The following PTBP1 variants were observed in gnomAD, a reference collection of about 807,000 sequenced individuals.
PTBP1 encodes polypyrimidine tract-binding protein 1.
PTBP1 carries 8 observed loss-of-function variants against 59.8 expected under a neutral mutation model. The ratio of observed to expected loss-of-function variants is 0.13; its 90% CI spans 0.08 to 0.24. The LOEUF is 0.24. Ranked by LOEUF, PTBP1 falls within the 10% of genes least tolerant of loss-of-function variation. The pLI, the probability that PTBP1 is intolerant of heterozygous loss-of-function variation, is 1.00. For synonymous variants in PTBP1, 490 were observed against 320.7 expected, an observed-to-expected ratio of 1.53 and a Z score of -5.64; for missense variants, 686 against 767.0, an observed-to-expected ratio of 0.89 and a Z score of 1.25.
rs779619131 is a variant in PTBP1, at chr19:804,272, G to T, written c.289-20G>T. On this transcript the variant is annotated intron_variant, in intron 4 of 14. Transcript: ENST00000356948. ...CAGGCGGGGACGAGGAGGGCCCAGC[G>T]CTCACTGCCTCCCCAACAGGCCTTC... 2 of 1,612,922 alleles carry T rather than the reference G, an allele frequency of 1.2e-6. No homozygotes were observed.
At chr19:798,609 G>A (rs1296285744) in intron 1 of PTBP1, 1 of 152,256 alleles carries the variant, frequency 6.6e-6, no homozygotes, top group East Asian at 1.9e-4. Flanking sequence ...CGGGCTCGGG[G>A]GCCGCGCACT....
rs1269078902 is a variant in PTBP1 at position 808,460 on chromosome 19, G to A, written c.1246+8G>A. On this transcript the variant is annotated splice_region_variant and intron_variant, in intron 12 of 14. Transcript: ENST00000356948. The surrounding 1 kb of genome is among the most constrained non-coding windows in gnomAD (Gnocchi z 4.7). ...GCAACCAGGCCCAGCTGGGTAAGAGGCCGGGGCGGCCCCGGGGTGGAGGGG... is the reference window on the plus strand; with the variant it reads ...GCAACCAGGCCCAGCTGGGTAAGAGACCGGGGCGGCCCCGGGGTGGAGGGG... 6.3e-7 allele frequency: 1 copy of A among 1,591,318 alleles called. No homozygotes were observed. Among genetic ancestry groups the A allele is most frequent in the Non-Finnish European group, 8.5e-7 (1 of 1,170,374 alleles).
Position 808,285 on chromosome 19 carries a change from G to A in PTBP1, c.1154-75G>A, listed in dbSNP as rs2034670964. The A allele has an allele frequency of 4.7e-6, 6 of 1,274,442 alleles. No individual in the cohort carries two copies. Among genetic ancestry groups the A allele is most frequent in the South Asian group, 3.9e-5 (3 of 77,896 alleles). The allele number at this position is 1,274,442 out of a possible 1,614,324, so 78.9% of individuals were successfully genotyped here. ...GCTGAGCCGGGCCTTGTGGGGGTGCGCGGGGCCGGGGCTGACGGGGAGATG... is the reference window on the plus strand; with the variant it reads ...GCTGAGCCGGGCCTTGTGGGGGTGCACGGGGCCGGGGCTGACGGGGAGATG... On this transcript the variant is annotated intron_variant, in intron 11 of 14. Transcript: ENST00000356948. The surrounding 1 kb of genome is among the most constrained non-coding windows in gnomAD (Gnocchi z 4.7).
Position 799,496 on chromosome 19 carries a change from C to T in PTBP1, c.39+53C>T. On this transcript the variant is annotated intron_variant, in intron 2 of 14. Coordinates refer to ENST00000356948, the MANE Select transcript of PTBP1 (RefSeq NM_002819.5). The stretch of plus-strand genomic sequence containing the variant: ...TGACGCTCCTCTGACCTTGTGCCGA[C>T]CCCGGGGGCCACCCCCCAGCGCTGT... 5 of 1,581,380 alleles carry T rather than the reference C, an allele frequency of 3.2e-6. No homozygotes were observed. The South Asian group carries it at 4.4e-5, about 14-fold the overall frequency.
rs760743333 is a variant in PTBP1 at position 808,726 on chromosome 19, T to A, written c.1427T>A (p.Phe476Tyr). The A allele has an allele frequency of 6.2e-7, 1 of 1,612,670 alleles. No individual in the cohort carries two copies. The highest frequency in any genetic ancestry group is 8.5e-7 in the Non-Finnish European group (1 of 1,179,740). Residue 476 changes from phenylalanine (F) to tyrosine (Y), a missense_variant, in exon 13 of 15, where the codon TTC becomes TAC. Coordinates refer to ENST00000356948, the MANE Select transcript of PTBP1 (RefSeq NM_002819.5). The surrounding 1 kb of genome is among the most constrained non-coding windows in gnomAD (Gnocchi z 4.7). ...GGCTCCAAGAACTTCCAGAACATAT[T>A]CCCGCCCTCGGCCACGCTGCACCTC... The part of the protein sequence containing the change: ...KPGSKNFQNI[F>Y]PPSATLHLSN...
chr19:806,639 A>C, intron 10 of PTBP1, 83 bp downstream of exon 10: 2 of 1,339,286 alleles, frequency 1.5e-6, no homozygotes, highest in Non-Finnish European at 9.8e-7. Flanking sequence ...GTCCCGGAGC[A>C]GCGCCGCCCC....
intron 9 of PTBP1, chr19:806,053 T>TGCATGGAG (rs2034551912): frequency 3.9e-6 from 1 of 258,316 alleles, no homozygotes; most frequent in Admixed American, 5.5e-5. Context: ...CCGCCTCGTC[T>TGCATGGAG]GCATGGAGGC....
chr19:808,765 G>C lies in PTBP1; in HGVS notation c.1463+3G>C. On this transcript the variant is annotated splice_donor_region_variant and intron_variant, in intron 13 of 14. Coordinates refer to ENST00000356948, the MANE Select transcript of PTBP1 (RefSeq NM_002819.5). This position sits in a 1 kb window ranked among gnomAD's most constrained non-coding sequence, Gnocchi z 4.7. ...ACGCTGCACCTCTCCAACATCCCGT[G>C]AGTGCTGGGCCGGGGGGCTCATGGG... 6.2e-7 allele frequency: 1 copy of C among 1,610,038 alleles called. No individual in the cohort carries two copies. The highest frequency in any genetic ancestry group is 1.7e-5 in the Admixed American group (1 of 59,758).
intron 2 of PTBP1, among the ~76,000 whole-genome samples, chr19:800,338 G>A (rs1213196198): frequency 2.6e-5 from 4 of 152,170 alleles, no homozygotes; most frequent in South Asian, 4.1e-4. Flanking sequence ...TGGGGTGTGC[G>A]AATCTTGCAG....
In PTBP1 at chr19:799,454, C is replaced by T. The variant is rs372949190; in HGVS notation, c.39+11C>T. 5 of 1,613,574 alleles carry T rather than the reference C, an allele frequency of 3.1e-6. No homozygotes were observed. In the Admixed American group the frequency reaches 5.0e-5, roughly 16 times the overall value. On this transcript the variant is annotated intron_variant, in intron 2 of 14. Coordinates refer to ENST00000356948, the MANE Select transcript of PTBP1 (RefSeq NM_002819.5). ...GCCGTTGGTACAAAGGTAGGCACTTCTCACTTTGCTTCTCCGTGACGCTCC... is the reference window on the plus strand; with the variant it reads ...GCCGTTGGTACAAAGGTAGGCACTTTTCACTTTGCTTCTCCGTGACGCTCC...
chr19:810,445 C>G lies in PTBP1; in HGVS notation c.1464-98C>G, dbSNP rs10426392. 5.1e-5 allele frequency: 52 copies of G among 1,020,258 alleles called. No individual in the cohort carries two copies. The East Asian group carries it at 1.3e-3, about 26-fold the overall frequency. The allele number at this position is 1,020,258 out of a possible 1,614,324, so 63.2% of individuals were successfully genotyped here. A position where few individuals can be genotyped will look rare whatever the true frequency, so the allele number is the denominator to read the frequency against. The stretch of plus-strand genomic sequence containing the variant: ...CTCCTAAAAGGCCCTACGCCTTCCC[C>G]GGCTACTCTGAAAACTAGTCTGGGG... On this transcript the variant is annotated intron_variant, in intron 13 of 14. Coordinates refer to ENST00000356948, the MANE Select transcript of PTBP1 (RefSeq NM_002819.5).
intron 10 of PTBP1, 58 bp downstream of exon 10, chr19:806,614 T>C: frequency 7.0e-7 from 1 of 1,432,654 alleles, no homozygotes; most frequent in Non-Finnish European, 9.2e-7. Flanking sequence ...CAGGGGATGT[T>C]GTGCTCGGGC....
At chr19:806,806 C>G (rs1183146358) in intron 10 of PTBP1, 1 of 418,642 alleles carries the variant, frequency 2.4e-6, no homozygotes, top group South Asian at 5.2e-5. Context: ...TTTGGTTACC[C>G]AAAGGCAATC....
intron 2 of PTBP1, among the ~76,000 whole-genome samples, chr19:801,346 G>A (rs1599220732): frequency 1.3e-5 from 2 of 152,264 alleles, no homozygotes; most frequent in East Asian, 1.9e-4. Flanking sequence ...CTGGGGCGCC[G>A]TTGAGCTGAG....
chr19:804,131 A>G lies in PTBP1; in HGVS notation c.211A>G (p.Thr71Ala). 6.2e-7 allele frequency: 1 copy of G among 1,613,876 alleles called. No individual in the cohort carries two copies. The change falls in exon 4 of 15, where the codon ACG (threonine) becomes GCG (alanine). Residue 71 changes from threonine to alanine, a missense_variant. Physicochemically the swap from Thr to Ala is moderately conservative, Grantham distance 58. Transcript: ENST00000356948. The part of the protein sequence containing the change: ...IHIRKLPIDV[T>A]EGEVISLGLP... ...CATCCGGAAGCTCCCCATCGACGTC[A>G]CGGAGGGGGAAGTCATCTCCCTGGG...
chr19:805,381 GA>G, intron 8 of PTBP1, 110 bp from the exon 9 acceptor site: 1 of 1,254,292 alleles, frequency 8.0e-7, no homozygotes. Context: ...ATCTGCCCGC[GA>G]AGGCTCTGCC....
chr19:801,294 C>T (rs2145029742), intron 2 of PTBP1, among the ~76,000 whole-genome samples: 1 of 152,338 alleles, frequency 6.6e-6, no homozygotes, highest in Non-Finnish European at 1.5e-5. Context: ...CTGGTTGCTG[C>T]CCTGTGGAGC....
chr19:804,506 G>C, intron 5 of PTBP1, 26 bp from the exon 6 acceptor site: 1 of 1,595,686 alleles, frequency 6.3e-7, no homozygotes, highest in Non-Finnish European at 8.5e-7. Flanking sequence ...GCAGGGGCCG[G>C]GGACTCACGG....
Position 808,274 on chromosome 19 carries a change from T to G in PTBP1, c.1154-86T>G. On this transcript the variant is annotated intron_variant, in intron 11 of 14. Transcript: ENST00000356948. This position sits in a 1 kb window ranked among gnomAD's most constrained non-coding sequence, Gnocchi z 4.7. ...AACCCGGCCGGGCTGAGCCGGGCCT[T>G]GTGGGGGTGCGCGGGGCCGGGGCTG... 166 of 1,104,870 alleles carry G rather than the reference T, an allele frequency of 1.5e-4. No homozygotes were observed. Among genetic ancestry groups the G allele is most frequent in the Non-Finnish European group, 1.9e-4 (143 of 746,466 alleles). 68.4% of individuals were successfully genotyped at this position (1,104,870 alleles called of 1,614,324 possible).
Sources: allele counts gnomAD v4.1 joint callset (sites outside exome capture counted in the v4.1 genomes callset), GRCh38; gene constraint gnomAD v4.1.1; non-coding constraint Gnocchi (gnomAD v3.1); transcripts MANE v1.5; gene names NCBI Gene and HGNC (gene_info 2026-07-23, HGNC 2026-07-21).